The following PALMD variants were observed in gnomAD, a reference collection of about 807,000 sequenced individuals.
PALMD encodes paralemmin-like protein.
Under a neutral mutation model 56.2 loss-of-function variants are expected in PALMD, and 42 were observed. The ratio of observed to expected loss-of-function variants is 0.75; its 90% confidence interval spans 0.58 to 0.97. The LOEUF is 0.97. Ranked by LOEUF, PALMD falls within the 50% of genes least tolerant of loss-of-function variation. The pLI is 0.00. For synonymous variants in PALMD, 242 were observed against 222.9 expected, an observed-to-expected ratio of 1.09 and a Z score of -0.76; for missense variants, 660 against 643.8, an observed-to-expected ratio of 1.03 and a Z score of -0.27.
At chr1:99,675,334 A>C (rs12747606) in intron 3 of PALMD, among the ~76,000 whole-genome samples, 2,350 of 152,326 alleles carry the variant, frequency 0.015, 29 homozygotes, top group Non-Finnish European at 0.024. Flanking sequence ...TTGCCATTTC[A>C]TTATATAATT....
rs1014815939 is a variant in PALMD at position 99,650,112 on chromosome 1, G to A, written c.45+3750G>A. Reference sequence around the variant, plus strand: ...GGATGGGGTTCACAAAGAGGGTGACGTTTGAGCCTAGATGTGAAGGAGGTG... The same window carrying A: ...GGATGGGGTTCACAAAGAGGGTGACATTTGAGCCTAGATGTGAAGGAGGTG... On this transcript the variant is annotated intron_variant, in intron 1 of 7. Coordinates refer to ENST00000263174, the MANE Select transcript of PALMD (RefSeq NM_017734.5). 1.4e-4 allele frequency among the ~76,000 whole-genome samples: 21 copies of A among 152,020 alleles called. 1 individual carries two copies. The highest frequency in any genetic ancestry group is 9.8e-4 in the Admixed American group (15 of 15,258).
chr1:99,690,126 T>A, intron 7 of PALMD: 1 of 470,644 alleles, frequency 2.1e-6, no homozygotes, highest in East Asian at 3.2e-5. Flanking sequence ...TTGAATTTCA[T>A]CTTCTATCAT....
chr1:99,689,485 G>T lies in PALMD; in HGVS notation c.1225G>T (p.Asp409Tyr). Residue 409 changes from aspartate to tyrosine, a missense_variant, in exon 7 of 8, where the codon GAT becomes TAT. Asp to Tyr is a radical substitution (Grantham distance 160). Coordinates refer to ENST00000263174, the MANE Select transcript of PALMD (RefSeq NM_017734.5). ...IVHSLPPDIN[D>Y]TEPVTMIFMG... is the part of the protein sequence containing the mutation. ...TCATTCCCTGCCTCCAGACATAAAT[G>T]ATACAGAACCGGTGACAATGATTTT... is the stretch of plus-strand genomic sequence containing the variant. The T allele has an allele frequency of 6.2e-7, 1 of 1,613,796 alleles. No homozygotes were observed. The highest frequency in any genetic ancestry group is 1.1e-5 in the South Asian group (1 of 91,072).
intron 1 of PALMD, among the ~76,000 whole-genome samples, chr1:99,647,841 G>A (rs1652477537): frequency 6.6e-6 from 1 of 152,088 alleles, no homozygotes; most frequent in Admixed American, 6.5e-5. Context: ...TTCAGTTGGG[G>A]GACACCCTCG....
intron 3 of PALMD, 34 bp downstream of exon 3, chr1:99,667,800 T>A: frequency 6.3e-7 from 1 of 1,594,390 alleles, no homozygotes; most frequent in Non-Finnish European, 8.6e-7. Context: ...CACAACTACC[T>A]TTATTTTGAC....
At chr1:99,664,151 A>C (rs79873371) in intron 2 of PALMD, among the ~76,000 whole-genome samples, 1,629 of 152,286 alleles carry the variant, frequency 0.011, 30 homozygotes, top group African/African-American at 0.037. Context: ...GTTCACTGGA[A>C]AAAAGGGGTG....
At chr1:99,689,910 C>T in intron 7 of PALMD, 38 bp downstream of exon 7, 2 of 1,538,826 alleles carry the variant, frequency 1.3e-6, no homozygotes, top group Non-Finnish European at 1.7e-6. Flanking sequence ...GCTGTTCAGT[C>T]ATGTGACCAG....
intron 2 of PALMD, among the ~76,000 whole-genome samples, chr1:99,665,169 T>C (rs551598687): frequency 3.3e-5 from 5 of 152,260 alleles, no homozygotes; most frequent in Non-Finnish European, 7.4e-5. Context: ...ACCAATTTAT[T>C]CCTACTCTAC....
intron 3 of PALMD, among the ~76,000 whole-genome samples, chr1:99,683,105 A>G (rs577822044): frequency 3.4e-5 from 3 of 89,052 alleles, no homozygotes; most frequent in African/African-American, 5.6e-5. Flanking sequence ...AAAGAAAGAA[A>G]GAAAGAAAGA....
At chr1:99,671,505 T>C (rs1325000277) in intron 3 of PALMD, among the ~76,000 whole-genome samples, 2 of 152,188 alleles carry the variant, frequency 1.3e-5, no homozygotes, top group African/African-American at 2.4e-5. Context: ...TAGTCCTTAC[T>C]AAAAGGTGAA....
rs7529035 is a variant in PALMD, at chr1:99,670,361, C to T, written c.251+2595C>T. ...AGGAACTTGTATAATTTACAAAGCACTTGAACTTACATTAAGTCATCGAAA... is the reference window on the plus strand; with the variant it reads ...AGGAACTTGTATAATTTACAAAGCATTTGAACTTACATTAAGTCATCGAAA... On this transcript the variant is annotated intron_variant, in intron 3 of 7. Transcript: ENST00000263174. 5.0e-3 allele frequency among the ~76,000 whole-genome samples: 766 copies of T among 152,288 alleles called. 8 individuals are homozygous for T. The highest frequency in any genetic ancestry group is 0.016 in the African/African-American group (668 of 41,560).
chr1:99,689,321 C>T lies in PALMD; in HGVS notation c.1061C>T (p.Ser354Leu), dbSNP rs756008836. Residue 354 changes from serine (S) to leucine (L), a missense_variant, in exon 7 of 8, where the codon TCG becomes TTG. Ser to Leu is a moderately radical substitution (Grantham distance 145, BLOSUM62 -2). Transcript: ENST00000263174. ...AGGCTAATGACTCCTTGGGAAGAAT[C>T]GAATGTCATGCAGGACAAAGATGCA... ...QKRLMTPWEE[S>L]NVMQDKDAPS... is the part of the protein sequence containing the mutation. The T allele has an allele frequency of 4.6e-5, 74 of 1,613,402 alleles. No individual in the cohort carries two copies. Among genetic ancestry groups the T allele is most frequent in the Non-Finnish European group, 5.9e-5 (70 of 1,179,810 alleles).
chr1:99,652,659 A>AGAAAGGAAAG lies in PALMD; in HGVS notation c.45+6327_45+6336dup, dbSNP rs59533552. ...GGAAAGGAAAGAAAAAAGAAAGAAA[A>AGAAAGGAAAG]GAAAGGAAAGGAAAGGAAAGGAAAG... On this transcript the variant is annotated intron_variant, in intron 1 of 7. Transcript: ENST00000263174. 1.7e-3 allele frequency among the ~76,000 whole-genome samples: 208 copies of AGAAAGGAAAG among 122,316 alleles called. 1 individual carries two copies. The highest frequency in any genetic ancestry group is 9.4e-3 in the East Asian group (36 of 3,848). The allele number at this position is 122,316 out of a possible 152,430, so 80.2% of individuals were successfully genotyped here.
intron 3 of PALMD, among the ~76,000 whole-genome samples, chr1:99,671,981 T>G (rs1047452214): frequency 1.3e-5 from 2 of 152,220 alleles, no homozygotes; most frequent in Non-Finnish European, 2.9e-5. Flanking sequence ...TGCTGTAAAC[T>G]CTATACTTTT....
At chr1:99,670,280 C>CA (rs1442674406) in intron 3 of PALMD, among the ~76,000 whole-genome samples, 3 of 152,108 alleles carry the variant, frequency 2.0e-5, no homozygotes, top group Non-Finnish European at 4.4e-5. Flanking sequence ...TTGTGAATAC[C>CA]AAATGAGTTT....
intron 3 of PALMD, among the ~76,000 whole-genome samples, chr1:99,675,301 C>A (rs1000934551): frequency 6.6e-6 from 1 of 152,200 alleles, no homozygotes; most frequent in Non-Finnish European, 1.5e-5. Flanking sequence ...GAAAGAGTCA[C>A]TATCTACATC....
chr1:99,685,133 T>G (rs1335732883), intron 3 of PALMD: 1 of 152,142 alleles, frequency 6.6e-6, no homozygotes, highest in Non-Finnish European at 1.5e-5. Context: ...TTCAATGTAC[T>G]TTCATATACA....
rs561432035 is a variant in PALMD at position 99,666,571 on chromosome 1, C to A, written c.127-1071C>A. 2.6e-5 allele frequency among the ~76,000 whole-genome samples: 4 copies of A among 151,866 alleles called. No individual in the cohort carries two copies. In the South Asian group the frequency reaches 8.4e-4, roughly 32 times the overall value. ...AATTTCAATATAAGAGAAAGAAGTC[C>A]CAGAAAATAAAGTTCCCATTCTCTC... On this transcript the variant is annotated intron_variant, in intron 2 of 7. Coordinates refer to ENST00000263174, the MANE Select transcript of PALMD (RefSeq NM_017734.5).
intron 7 of PALMD, among the ~76,000 whole-genome samples, chr1:99,691,261 T>C (rs7514151): frequency 0.011 from 1,656 of 152,228 alleles, 30 homozygotes; most frequent in African/African-American, 0.037. Context: ...AGTGACATTA[T>C]CCACTATAAA....
Sources: gnomAD v4.1 joint callset for allele counts (sites outside exome capture counted in the v4.1 genomes callset) on GRCh38, gnomAD v4.1.1 for gene constraint, MANE v1.5 for transcripts, NCBI Gene and HGNC (gene_info 2026-07-23, HGNC 2026-07-21) for gene names.